Variants in KCNC2 observed in about 807,000 individuals in gnomAD.
KCNC2 encodes potassium voltage-gated channel subfamily C member 2.
Under a neutral mutation model 44.5 loss-of-function variants are expected in KCNC2, and 21 were observed. The ratio of observed to expected loss-of-function variants is 0.47; its 90% CI spans 0.33 to 0.68. The LOEUF is 0.68. Among genes scored for constraint, KCNC2 ranks in the 30% least tolerant of loss-of-function variants. The pLI is 0.01. For missense variants in KCNC2, 589 were observed against 826.2 expected (o/e 0.71, Z 3.52); for synonymous variants, 391 against 339.1 (o/e 1.15, Z -1.68).
intron 2 of KCNC2, among the ~76,000 whole-genome samples, chr12:75,055,047 A>G (rs1881593626): frequency 6.6e-6 from 1 of 152,170 alleles, no homozygotes; most frequent in Non-Finnish European, 1.5e-5. Context: ...AGAAAGTAAA[A>G]AGGAAAGAAA....
intron 2 of KCNC2, among the ~76,000 whole-genome samples, chr12:75,115,661 G>A (rs557041729): frequency 3.9e-5 from 6 of 152,182 alleles, no homozygotes; most frequent in African/African-American, 1.4e-4. Context: ...TTCAGGTCAC[G>A]TCAATGCATC....
At chr12:75,097,294 T>G (rs1056453272) in intron 2 of KCNC2, among the ~76,000 whole-genome samples, 27 of 152,074 alleles carry the variant, frequency 1.8e-4, no homozygotes, top group African/African-American at 6.0e-4. Flanking sequence ...TTTACAGCAT[T>G]AAAATTATTC....
chr12:75,096,369 T>C (rs757401306), intron 2 of KCNC2, among the ~76,000 whole-genome samples: 2 of 152,052 alleles, frequency 1.3e-5, no homozygotes, highest in Non-Finnish European at 2.9e-5. Context: ...TAGAAAGGAA[T>C]CCCAGTAGAT....
chr12:75,041,179 A>G lies in KCNC2; in HGVS notation c.*1926T>C. On this transcript the variant is annotated 3_prime_UTR_variant, in exon 5 of 5. Transcript: ENST00000549446. ...TTCCACTGTCCCTTTCTCAGCAGTC[A>G]ATAATCCATGATAAATTCTGTACAA... The G allele has an allele frequency of 3.1e-6, 5 of 1,596,482 alleles. No individual in the cohort carries two copies. The highest frequency in any genetic ancestry group is 3.4e-6 in the Non-Finnish European group (4 of 1,178,526).
At chr12:75,145,956 T>G (rs572308840) in intron 2 of KCNC2, among the ~76,000 whole-genome samples, 5 of 133,644 alleles carry the variant, frequency 3.7e-5, no homozygotes, top group Non-Finnish European at 6.2e-5. Flanking sequence ...TCTTACCAAT[T>G]TTTTTTTTTT....
At chr12:75,043,718 A>G in intron 4 of KCNC2, 2 of 1,425,836 alleles carry the variant, frequency 1.4e-6, no homozygotes, top group South Asian at 1.6e-5. Flanking sequence ...AGCATATTTA[A>G]TCTTCCAGCT....
At chr12:75,060,169 C>T (rs1372243918) in intron 2 of KCNC2, among the ~76,000 whole-genome samples, 1 of 151,982 alleles carries the variant, frequency 6.6e-6, no homozygotes, top group Admixed American at 6.6e-5. Flanking sequence ...TTATTTTGGA[C>T]CATCATTTAG....
chr12:75,073,636 A>G (rs1250275375), intron 2 of KCNC2, among the ~76,000 whole-genome samples: 1 of 152,222 alleles, frequency 6.6e-6, no homozygotes, highest in Non-Finnish European at 1.5e-5. Context: ...AATTATTCAT[A>G]TAAACTATGT....
In KCNC2 at chr12:75,182,628, C is replaced by T. The variant is rs147697330; in HGVS notation, c.687+24669G>A. Reference sequence around the variant, plus strand: ...AGTCTCTTACTCAAAACCTTGAGGGCCAGATGTATTTCAGAATTCTGAATT... The same window carrying T: ...AGTCTCTTACTCAAAACCTTGAGGGTCAGATGTATTTCAGAATTCTGAATT... On this transcript the variant is annotated intron_variant, in intron 2 of 4. Transcript: ENST00000549446. Among the ~76,000 whole-genome samples the T allele has an allele frequency of 4.8e-3, 730 of 151,260 alleles. 3 individuals are homozygous for T. The highest frequency in any genetic ancestry group is 7.3e-3 in the Non-Finnish European group (497 of 67,914).
intron 2 of KCNC2, among the ~76,000 whole-genome samples, chr12:75,174,595 T>C (rs1892056897): frequency 1.3e-5 from 2 of 151,950 alleles, no homozygotes; most frequent in South Asian, 2.1e-4. Flanking sequence ...ATATTGTCTC[T>C]GATCCACTCC....
intron 2 of KCNC2, among the ~76,000 whole-genome samples, chr12:75,108,944 C>A (rs959293566): frequency 3.9e-5 from 6 of 152,100 alleles, no homozygotes; most frequent in African/African-American, 1.4e-4. Context: ...AATTTCTCTG[C>A]AATAAGGCTC....
In KCNC2 at chr12:75,080,488, T is replaced by C. The variant is rs77504269; in HGVS notation, c.688-29171A>G. Among the ~76,000 whole-genome samples, 436 of 151,898 alleles carry C rather than the reference T, an allele frequency of 2.9e-3. 3 individuals are homozygous for C. The highest frequency in any genetic ancestry group is 0.01 in the African/African-American group (416 of 41,446). ...CAACTAGCCATGCATAAAGGGAACA[T>C]AGAGTTCAGTGCAACACCAGAGATT... On this transcript the variant is annotated intron_variant, in intron 2 of 4. Transcript: ENST00000549446.
intron 4 of KCNC2, 112 bp from the exon 5 acceptor site, chr12:75,043,353 G>A (rs374171829): frequency 6.9e-7 from 1 of 1,447,004 alleles, no homozygotes; most frequent in Non-Finnish European, 9.1e-7. Context: ...AGAAGAATTT[G>A]TTTACAAAGA....
chr12:75,063,659 A>T (rs1265479033), intron 2 of KCNC2, among the ~76,000 whole-genome samples: 1 of 152,090 alleles, frequency 6.6e-6, no homozygotes, highest in East Asian at 1.9e-4. Context: ...TGGGAACTAA[A>T]TTACCTCAAG....
intron 2 of KCNC2, among the ~76,000 whole-genome samples, chr12:75,182,733 C>T (rs1217836578): frequency 2.0e-5 from 3 of 152,034 alleles, no homozygotes; most frequent in East Asian, 1.9e-4. Flanking sequence ...GGTTTGGGGC[C>T]GCACCCCATA....
intron 2 of KCNC2, among the ~76,000 whole-genome samples, chr12:75,071,477 T>C (rs762220157): frequency 2.6e-5 from 4 of 152,218 alleles, no homozygotes; most frequent in Non-Finnish European, 5.9e-5. Flanking sequence ...CTTATACTTA[T>C]TGATAATTAT....
chr12:75,178,655 AAT>A (rs553749428), intron 2 of KCNC2, among the ~76,000 whole-genome samples: 60 of 152,182 alleles, frequency 3.9e-4, no homozygotes, highest in African/African-American at 1.4e-3. Flanking sequence ...AAATCAAAAC[AAT>A]AACAAAAGTA....
intron 2 of KCNC2, among the ~76,000 whole-genome samples, chr12:75,165,472 A>G (rs1047947287): frequency 4.6e-5 from 7 of 151,582 alleles, no homozygotes; most frequent in Non-Finnish European, 8.9e-5. Flanking sequence ...TAATTTATAC[A>G]ATAAGATAAA....
chr12:75,181,744 C>T (rs923986664), intron 2 of KCNC2, among the ~76,000 whole-genome samples: 1 of 151,976 alleles, frequency 6.6e-6, no homozygotes, highest in African/African-American at 2.4e-5. Context: ...CTCAACAGAT[C>T]TCAATTTCTT....
Sources: gnomAD v4.1 joint callset for allele counts (sites outside exome capture counted in the v4.1 genomes callset) on GRCh38, gnomAD v4.1.1 for gene constraint, MANE v1.5 for transcripts, NCBI Gene and HGNC (gene_info 2026-07-23, HGNC 2026-07-21) for gene names.